ITPK1: variants seen among roughly 807,000 people sequenced by gnomAD.
ITPK1 encodes the protein inositol 1,3,4-trisphosphate 5/6-kinase.
A neutral mutation model predicts 45.3 loss-of-function variants in ITPK1; 21 were observed. The observed-to-expected ratio is 0.46, with a 90% CI of 0.33 to 0.67. The LOEUF is 0.67. Ranked by LOEUF, ITPK1 falls within the 30% of genes least tolerant of loss-of-function variation. The pLI, the probability that ITPK1 is intolerant of heterozygous loss-of-function variation, is 0.02. For missense variants in ITPK1, 474 were observed against 573.5 expected (o/e 0.83, Z 1.77); for synonymous variants, 258 against 253.6 (o/e 1.02, Z -0.16).
At chr14:93,025,309 G>A (rs1193377758) in intron 3 of ITPK1, among the ~76,000 whole-genome samples, 2 of 152,236 alleles carry the variant, frequency 1.3e-5, no homozygotes, top group African/African-American at 2.4e-5. Context: ...GCCTAGCGCC[G>A]CCCACGTTGC....
At chr14:93,023,426 C>T (rs1888571062) in intron 3 of ITPK1, among the ~76,000 whole-genome samples, 1 of 152,182 alleles carries the variant, frequency 6.6e-6, no homozygotes, top group Non-Finnish European at 1.5e-5. Flanking sequence ...GGACAGAGCC[C>T]CCAGCTGGCC....
chr14:92,962,328 A>C (rs747100670), intron 7 of ITPK1, 27 bp downstream of exon 7: 47 of 1,571,918 alleles, frequency 3.0e-5, no homozygotes, highest in Non-Finnish European at 4.0e-5. Flanking sequence ...GGGGTCAGGG[A>C]CAACAGTCAG....
At chr14:93,068,471 G>A (rs1432229509) in intron 3 of ITPK1, 1 of 152,348 alleles carries the variant, frequency 6.6e-6, no homozygotes, top group Admixed American at 6.5e-5. Flanking sequence ...GTCTACCATG[G>A]GCTGTCCCAG....
chr14:93,021,880 C>T (rs540215717), intron 3 of ITPK1, among the ~76,000 whole-genome samples: 8 of 152,150 alleles, frequency 5.3e-5, no homozygotes, highest in Non-Finnish European at 1.2e-4. Flanking sequence ...AAAATGCTCT[C>T]TGACCCAATT....
chr14:93,108,501 A>C (rs1387536369), intron 2 of ITPK1, among the ~76,000 whole-genome samples: 1 of 152,240 alleles, frequency 6.6e-6, no homozygotes, highest in Non-Finnish European at 1.5e-5. Flanking sequence ...CCATCCTGCC[A>C]TGCAGGTGCA....
At chr14:93,049,489 G>A (rs1006029681) in intron 3 of ITPK1, among the ~76,000 whole-genome samples, 28 of 152,202 alleles carry the variant, frequency 1.8e-4, no homozygotes, top group African/African-American at 6.8e-4. Flanking sequence ...GGCAGGGGGT[G>A]AGGCTGCCTG....
At chr14:93,005,807 GATCAGAAATGCCCTAGGTATAC>G (rs1467878543) in intron 4 of ITPK1, among the ~76,000 whole-genome samples, 9 of 152,328 alleles carry the variant, frequency 5.9e-5, no homozygotes, top group Middle Eastern at 3.4e-3. Context: ...TCTAAAACAT[GATCAGAAATGCCCTAGGTATAC>G]ACCAGTAGAG....
chr14:93,013,154 A>G (rs148469744), intron 4 of ITPK1, among the ~76,000 whole-genome samples: 50 of 152,308 alleles, frequency 3.3e-4, no homozygotes, highest in African/African-American at 1.2e-3. Context: ...CACACTGAGA[A>G]CCAAACCTCA....
intron 5 of ITPK1, among the ~76,000 whole-genome samples, chr14:92,979,356 G>A (rs1169422384): frequency 1.3e-5 from 2 of 152,204 alleles, no homozygotes; most frequent in Non-Finnish European, 2.9e-5. Context: ...TGGGACTTTT[G>A]AGTTAATGCT....
intron 3 of ITPK1, among the ~76,000 whole-genome samples, chr14:93,019,969 T>C (rs1888387564): frequency 1.3e-5 from 2 of 152,202 alleles, no homozygotes; most frequent in African/African-American, 2.4e-5. Flanking sequence ...GGGGTCTGGT[T>C]TGTCCCTCCC....
chr14:93,052,290 G>A (rs1890048264), intron 3 of ITPK1, among the ~76,000 whole-genome samples: 1 of 152,142 alleles, frequency 6.6e-6, no homozygotes, highest in African/African-American at 2.4e-5. Flanking sequence ...ACTCCCAAAT[G>A]TTAGCTCTAT....
chr14:93,013,900 G>A (rs1888043853), intron 4 of ITPK1, among the ~76,000 whole-genome samples: 1 of 152,216 alleles, frequency 6.6e-6, no homozygotes, highest in Non-Finnish European at 1.5e-5. Context: ...GATCAATGCT[G>A]ACAGCCCAGT....
In ITPK1 at chr14:93,115,224, GC is replaced by G. The variant is rs1566794131; in HGVS notation, c.-62del. On this transcript the variant is annotated 5_prime_UTR_variant, in exon 2 of 11. Transcript: ENST00000267615. ...AATCGCCCACAGGCCGAGTCTGGCG[GC>G]CGGCGCGCGCCGCGAGCGAGTGGGC... is the stretch of plus-strand genomic sequence containing the variant. 2.5e-6 allele frequency: 3 copies of G among 1,214,338 alleles called. No homozygotes were observed. The highest frequency in any genetic ancestry group is 3.5e-6 in the Non-Finnish European group (3 of 848,706). 75.2% of individuals were successfully genotyped at this position (1,214,338 alleles called of 1,614,324 possible). A position where few individuals can be genotyped will look rare whatever the true frequency, so the allele number is the denominator to read the frequency against.
intron 3 of ITPK1, among the ~76,000 whole-genome samples, chr14:93,037,801 CAAA>C (rs958564864): frequency 6.6e-5 from 10 of 152,042 alleles, no homozygotes; most frequent in Admixed American, 5.9e-4. Flanking sequence ...TACAGCTTTT[CAAA>C]AAAACTGTCT....
intron 3 of ITPK1, chr14:93,066,341 T>C (rs893798143): frequency 6.0e-6 from 2 of 332,350 alleles, no homozygotes; most frequent in Non-Finnish European, 1.2e-5. Flanking sequence ...TGTGTGTGTG[T>C]AGGGGGCAGA....
chr14:93,088,435 G>C (rs530785758), intron 2 of ITPK1, among the ~76,000 whole-genome samples: 46 of 150,670 alleles, frequency 3.1e-4, no homozygotes, highest in Non-Finnish European at 6.5e-4. Context: ...GACCTCCTGG[G>C]TTCAAGCAAT....
rs1887945489 is a variant in ITPK1, at chr14:93,012,184, A to G, written c.246+4492T>C. Reference sequence around the variant, plus strand: ...AAACACTTAGGCACTGCAGGCGGCAATGGGAACACCAGCTGCTGGGAGCAG... The same window carrying G: ...AAACACTTAGGCACTGCAGGCGGCAGTGGGAACACCAGCTGCTGGGAGCAG... On this transcript the variant is annotated intron_variant, in intron 4 of 10. Transcript: ENST00000267615. This position sits in a 1 kb window ranked among gnomAD's most constrained non-coding sequence, Gnocchi z 4.9. Among the ~76,000 whole-genome samples the G allele has an allele frequency of 6.6e-6, 1 of 152,210 alleles. No homozygotes were observed. The highest frequency in any genetic ancestry group is 1.5e-5 in the Non-Finnish European group (1 of 68,024).
rs1411771363 is a variant in ITPK1, at chr14:93,034,366, A to T, written c.121-17565T>A. ...CTCACAAAATGCAAAAAGGCTCCTG[A>T]GTCTCTTGATTCTGACCCAGAAAAC... is the stretch of plus-strand genomic sequence containing the variant. On this transcript the variant is annotated intron_variant, in intron 3 of 10. Transcript: ENST00000267615. This position sits in a 1 kb window ranked among gnomAD's most constrained non-coding sequence, Gnocchi z 4.1. 6.6e-6 allele frequency among the ~76,000 whole-genome samples: 1 copy of T among 151,814 alleles called. No homozygotes were observed. Among genetic ancestry groups the T allele is most frequent in the African/African-American group, 2.4e-5 (1 of 41,270 alleles).
At chr14:93,100,109 G>A (rs1032494761) in intron 2 of ITPK1, among the ~76,000 whole-genome samples, 4 of 152,182 alleles carry the variant, frequency 2.6e-5, no homozygotes, top group African/African-American at 9.7e-5. Context: ...CCACACTCAG[G>A]CCATGTAGAA....
Sources: gnomAD v4.1 joint callset for allele counts (sites outside exome capture counted in the v4.1 genomes callset) on GRCh38, gnomAD v4.1.1 for gene constraint, Gnocchi (gnomAD v3.1) non-coding constraint, MANE v1.5 for transcripts, NCBI Gene and HGNC (gene_info 2026-07-23, HGNC 2026-07-21) for gene names.